Variants in MACROD2 observed in about 807,000 individuals in gnomAD.
MACROD2 encodes the protein mono-ADP ribosylhydrolase 2.
In MACROD2, 36 loss-of-function variants were observed where a neutral mutation model predicts 70.4. The observed-to-expected ratio is 0.51, with a 90% CI of 0.39 to 0.68. The LOEUF (loss-of-function observed/expected upper bound fraction) is 0.68. MACROD2 is among the 30% of genes least tolerant of loss of function. The pLI, the probability that MACROD2 is intolerant of heterozygous loss-of-function variation, is 0.00. For missense variants in MACROD2, 496 were observed against 538.4 expected (o/e 0.92, Z 0.78); for synonymous variants, 172 against 178.8 (o/e 0.96, Z 0.30).
chr20:15,066,002 A>C (rs904041615), intron 5 of MACROD2, among the ~76,000 whole-genome samples: 1 of 151,842 alleles, frequency 6.6e-6, no homozygotes, highest in African/African-American at 2.4e-5. Flanking sequence ...TTTGCTCCAC[A>C]TTCTGGGGCC....
At chr20:14,005,169 T>C (rs894318812) in intron 2 of MACROD2, among the ~76,000 whole-genome samples, 7 of 152,128 alleles carry the variant, frequency 4.6e-5, no homozygotes, top group Non-Finnish European at 7.4e-5. Context: ...TCAGTGTTTA[T>C]ATGGAAAGGG....
chr20:14,485,679 G>A (rs1250018842), intron 3 of MACROD2, among the ~76,000 whole-genome samples: 1 of 81,010 alleles, frequency 1.2e-5, no homozygotes, highest in Non-Finnish European at 2.2e-5. Flanking sequence ...TCCAGCCTGG[G>A]CAACAGAGCA....
chr20:14,033,843 A>G (rs1329794046), intron 2 of MACROD2, among the ~76,000 whole-genome samples: 3 of 152,150 alleles, frequency 2.0e-5, no homozygotes, highest in Admixed American at 6.6e-5. Flanking sequence ...TCCTTTTATC[A>G]CACAGAATGA....
chr20:14,040,562 C>T (rs2053377505), intron 2 of MACROD2, among the ~76,000 whole-genome samples: 1 of 152,148 alleles, frequency 6.6e-6, no homozygotes, highest in Non-Finnish European at 1.5e-5. Flanking sequence ...TCACCCCCAT[C>T]CCACCCAAAT....
chr20:15,197,141 ACT>A (rs1289250671), intron 5 of MACROD2: 18 of 405,148 alleles, frequency 4.4e-5, no homozygotes, highest in Non-Finnish European at 6.0e-5. Context: ...TATATGAGTG[ACT>A]CTTTTTTAAG....
intron 3 of MACROD2, among the ~76,000 whole-genome samples, chr20:14,331,375 G>T (rs527772049): frequency 2.2e-4 from 34 of 152,174 alleles, no homozygotes; most frequent in African/African-American, 6.7e-4. Flanking sequence ...TTTTACATTT[G>T]TGAAGCTGCT....
intron 4 of MACROD2, among the ~76,000 whole-genome samples, chr20:14,513,154 G>T (rs6079465): frequency 0.15 from 23,181 of 152,070 alleles, 1,983 homozygotes; most frequent in East Asian, 0.38. Flanking sequence ...TTTGTTGACT[G>T]TAAGCTTTTC....
chr20:15,340,191 T>C (rs1466346358), intron 6 of MACROD2, among the ~76,000 whole-genome samples: 1 of 134,442 alleles, frequency 7.4e-6, no homozygotes, highest in Admixed American at 8.8e-5. Context: ...CAGGCTGGAG[T>C]GCAGTGGCAT....
chr20:15,770,920 T>C (rs1020369364), intron 8 of MACROD2, among the ~76,000 whole-genome samples: 1 of 152,130 alleles, frequency 6.6e-6, no homozygotes, highest in Non-Finnish European at 1.5e-5. Flanking sequence ...TGACATTCCA[T>C]TGGCCAAAGC....
In MACROD2 at chr20:14,493,489, T is replaced by C; in HGVS notation, c.282T>C (p.Ser94=). Residue 94 remains serine (S), a synonymous_variant, in exon 4 of 18, where the codon AGT becomes AGC. Transcript: ENST00000684519. ...VDAIVNAANA[S]LLGGGGVDGC... ...TTTTGTTTTAAACAGCAAATGCCAG[T>C]CTTCTTGGAGGAGGAGGTGGTAAGT... 1 of 1,609,202 alleles carries C rather than the reference T, an allele frequency of 6.2e-7. No homozygotes were observed. Among genetic ancestry groups the C allele is most frequent in the Non-Finnish European group, 8.5e-7 (1 of 1,176,674 alleles).
chr20:14,111,613 C>T lies in MACROD2; in HGVS notation c.271+25885C>T, dbSNP rs564440831. On this transcript the variant is annotated intron_variant, in intron 3 of 17. Transcript: ENST00000684519. ...TCAAACAGGCATATGAAAAGGTGTT[C>T]AGCATCACTGATCATCAGAGAAATA... Among the ~76,000 whole-genome samples, 5 of 152,072 alleles carry T rather than the reference C, an allele frequency of 3.3e-5. No homozygotes were observed. The East Asian group carries it at 9.6e-4, about 29-fold the overall frequency.
intron 8 of MACROD2, among the ~76,000 whole-genome samples, chr20:15,656,589 C>G (rs2049734251): frequency 6.6e-6 from 1 of 151,966 alleles, no homozygotes; most frequent in Admixed American, 6.6e-5. Context: ...AACTGCAGGC[C>G]CTTTTAATAT....
intron 5 of MACROD2, among the ~76,000 whole-genome samples, chr20:14,767,331 T>A (rs1380447354): frequency 6.6e-6 from 1 of 152,100 alleles, no homozygotes; most frequent in Non-Finnish European, 1.5e-5. Context: ...TTTTTTTTGT[T>A]TTTTGTTTTT....
At chr20:16,049,132 A>T (rs1196641592) in intron 17 of MACROD2, among the ~76,000 whole-genome samples, 1 of 152,042 alleles carries the variant, frequency 6.6e-6, no homozygotes. Context: ...TAGAAATCAG[A>T]TCATTTGTTC....
At chr20:15,214,787 G>T (rs1214972576) in intron 5 of MACROD2, among the ~76,000 whole-genome samples, 2 of 152,290 alleles carry the variant, frequency 1.3e-5, no homozygotes, top group South Asian at 2.1e-4. Context: ...TTCAGGAGGA[G>T]ATAAGCAGTA....
At chr20:15,939,048 A>G (rs2065710337) in intron 12 of MACROD2, among the ~76,000 whole-genome samples, 1 of 152,232 alleles carries the variant, frequency 6.6e-6, no homozygotes, top group African/African-American at 2.4e-5. Context: ...GGAAAGTTGG[A>G]CGTTAGCAGA....
intron 8 of MACROD2, among the ~76,000 whole-genome samples, chr20:15,758,092 G>C (rs1167631290): frequency 6.6e-6 from 1 of 151,876 alleles, no homozygotes; most frequent in Non-Finnish European, 1.5e-5. Context: ...AGGATAGACA[G>C]TTGCTTTAAA....
chr20:15,307,682 T>C (rs2077711247), intron 6 of MACROD2, among the ~76,000 whole-genome samples: 1 of 152,194 alleles, frequency 6.6e-6, no homozygotes, highest in South Asian at 2.1e-4. Flanking sequence ...TAATCTTATC[T>C]AATTTATGCA....
At chr20:14,552,738 G>T (rs1600376980) in intron 4 of MACROD2, among the ~76,000 whole-genome samples, 1 of 152,060 alleles carries the variant, frequency 6.6e-6, no homozygotes, top group African/African-American at 2.4e-5. Context: ...TAACAAAATG[G>T]TAAGTATTGT....
Sources: allele counts gnomAD v4.1 joint callset (sites outside exome capture counted in the v4.1 genomes callset), GRCh38; gene constraint gnomAD v4.1.1; transcripts MANE v1.5; gene names NCBI Gene and HGNC (gene_info 2026-07-23, HGNC 2026-07-21).